The following TRIM36 variants were observed in gnomAD, a reference collection of about 807,000 sequenced individuals.
TRIM36 encodes the protein E3 ubiquitin-protein ligase TRIM36.
In TRIM36, 42 loss-of-function variants were observed where a neutral mutation model predicts 72.4. The observed-to-expected ratio is 0.58, with a 90% CI of 0.45 to 0.75. The LOEUF (loss-of-function observed/expected upper bound fraction) is 0.75, where lower values mean the gene tolerates loss of function less well. Among genes scored for constraint, TRIM36 ranks in the 30% least tolerant of loss-of-function variants. The pLI is 0.00. For synonymous variants in TRIM36, 315 were observed against 282.8 expected (o/e 1.11, Z -1.14); for missense variants, 913 against 857.1 (o/e 1.07, Z -0.81).
At chr5:115,138,751 C>A (rs1463802415) in intron 5 of TRIM36, among the ~76,000 whole-genome samples, 1 of 152,108 alleles carries the variant, frequency 6.6e-6, no homozygotes, top group African/African-American at 2.4e-5. Context: ...AGAAGACTGG[C>A]AAACACTCCT....
intron 2 of TRIM36, among the ~76,000 whole-genome samples, chr5:115,158,577 T>A (rs1754312293): frequency 1.3e-5 from 2 of 152,202 alleles, no homozygotes; most frequent in South Asian, 4.1e-4. Flanking sequence ...TGGTGGACAC[T>A]ACTGTTGGGC....
At chr5:115,156,415 T>A (rs578232778) in intron 2 of TRIM36, among the ~76,000 whole-genome samples, 141 of 152,274 alleles carry the variant, frequency 9.3e-4, no homozygotes, top group African/African-American at 3.2e-3. Context: ...AATTTCAAAC[T>A]ATACTGTAAG....
At chr5:115,171,717 G>A (rs1201246149), upstream of TRIM36, among the ~76,000 whole-genome samples, 2 of 152,144 alleles carry the variant, frequency 1.3e-5, no homozygotes, top group East Asian at 1.9e-4. Context: ...CTTCCATTTT[G>A]CAAATCAGAC....
At chr5:115,170,863 T>TG (rs781381325), upstream of TRIM36, among the ~76,000 whole-genome samples, 38 of 152,344 alleles carry the variant, frequency 2.5e-4, no homozygotes, top group Admixed American at 8.5e-4. Flanking sequence ...GGAGTGCTGC[T>TG]GAACGTTAAG....
At chr5:115,164,101 T>C (rs912108632) in intron 1 of TRIM36, among the ~76,000 whole-genome samples, 3 of 152,228 alleles carry the variant, frequency 2.0e-5, no homozygotes, top group Admixed American at 6.5e-5. Context: ...AAGTAGATCA[T>C]GTCAATAAAA....
intron 8 of TRIM36, among the ~76,000 whole-genome samples, chr5:115,131,973 A>G (rs1013720116): frequency 6.6e-6 from 1 of 152,152 alleles, no homozygotes; most frequent in Admixed American, 6.5e-5. Context: ...ACAATACTGT[A>G]AATGTACTTA....
At position 115,169,799 on chromosome 5, in the gene TRIM36, A is replaced by ACTT. The variant is rs1184798342; in HGVS notation, c.-166_-165insAAG. On this transcript the variant is annotated 5_prime_UTR_variant, in exon 1 of 10. Coordinates refer to ENST00000513154, the MANE Select transcript of TRIM36 (RefSeq NM_001300759.2). ...CCAGCGGACCGACGCGGGGAGAAGTAAGCCGGGGCAGGCAAAAGCACAGGC... is the reference window on the plus strand; with the variant it reads ...CCAGCGGACCGACGCGGGGAGAAGTACTTAGCCGGGGCAGGCAAAAGCACAGGC... 7.6e-7 allele frequency: 1 copy of ACTT among 1,321,706 alleles called. No individual in the cohort carries two copies. The highest frequency in any genetic ancestry group is 9.7e-7 in the Non-Finnish European group (1 of 1,029,068). The allele number at this position is 1,321,706 out of a possible 1,614,324, so 81.9% of individuals were successfully genotyped here. A position where few individuals can be genotyped will look rare whatever the true frequency, so the allele number is the denominator to read the frequency against.
Position 115,134,056 on chromosome 5 carries a change from A to T in TRIM36, c.1302T>A (p.Asp434Glu), listed in dbSNP as rs748234511. The T allele has an allele frequency of 1.5e-5, 25 of 1,613,684 alleles. No homozygotes were observed. Among genetic ancestry groups the T allele is most frequent in the Non-Finnish European group, 2.0e-5 (24 of 1,179,906 alleles). Residue 434 changes from aspartate to glutamate, a missense_variant, in exon 8 of 10, where the codon GAT becomes GAA. Coordinates refer to ENST00000513154, the MANE Select transcript of TRIM36 (RefSeq NM_001300759.2). ...NWHHPEKDKADSYVLEYRKIN... is the reference protein window; with the variant it reads ...NWHHPEKDKAESYVLEYRKIN... ...TTTTCCGATATTCAAGAACATAGCT[A>T]TCAGCTTTATCCTTTTCTGGATGGT... is the stretch of plus-strand genomic sequence containing the variant.
chr5:115,177,395 C>T (rs766254254), intron 1 of TRIM36: 306 of 380,994 alleles, frequency 8.0e-4, no homozygotes, highest in East Asian at 1.7e-3. Context: ...GATGGTGGGG[C>T]GGAGGGCAGG....
upstream of TRIM36, among the ~76,000 whole-genome samples, chr5:115,173,708 C>A (rs1216330430): frequency 6.6e-6 from 1 of 152,158 alleles, no homozygotes; most frequent in Non-Finnish European, 1.5e-5. Context: ...TTAAAAAAAT[C>A]ATTATTCCCC....
At chr5:115,160,180 C>A (rs987709122) in intron 2 of TRIM36, among the ~76,000 whole-genome samples, 16 of 151,928 alleles carry the variant, frequency 1.1e-4, no homozygotes, top group African/African-American at 3.9e-4. Flanking sequence ...GCACACAAAT[C>A]TTACTCTCCT....
chr5:115,150,323 T>C (rs183099390), intron 2 of TRIM36, among the ~76,000 whole-genome samples: 54 of 152,342 alleles, frequency 3.5e-4, no homozygotes, highest in South Asian at 1.9e-3. Context: ...TTTTAAAATT[T>C]AATTAAAATT....
intron 2 of TRIM36, among the ~76,000 whole-genome samples, chr5:115,152,342 A>G (rs973695257): frequency 6.6e-6 from 1 of 152,170 alleles, no homozygotes; most frequent in Non-Finnish European, 1.5e-5. Context: ...ATAAGAAAAT[A>G]TGAACAAAGC....
Position 115,163,769 on chromosome 5 carries a change from T to G in TRIM36, c.28-17A>C, listed in dbSNP as rs760178138. On this transcript the variant is annotated splice_polypyrimidine_tract_variant and intron_variant, in intron 1 of 9. Transcript: ENST00000513154. ...AATGGTAACCTTGAGAGTAAAATAG[T>G]CCAAGTTAAAGGCTCTTAGTGGGTA... is the stretch of plus-strand genomic sequence containing the variant. 6.2e-7 allele frequency: 1 copy of G among 1,606,474 alleles called. No individual in the cohort carries two copies. Among genetic ancestry groups the G allele is most frequent in the East Asian group, 2.2e-5 (1 of 44,854 alleles).
chr5:115,177,630 C>T (rs1048435387), intron 1 of TRIM36: 178 of 1,541,522 alleles, frequency 1.2e-4, no homozygotes, highest in South Asian at 3.9e-4. Flanking sequence ...GGCTGCGGGG[C>T]GGGGCAGGAT....
chr5:115,177,843 A>T (rs564024136), intron 1 of TRIM36: 1 of 1,613,490 alleles, frequency 6.2e-7, no homozygotes, highest in East Asian at 2.2e-5. Flanking sequence ...GGGAATGCTC[A>T]TGGGTTTGCT....
intron 2 of TRIM36, among the ~76,000 whole-genome samples, chr5:115,152,645 C>G (rs1753955497): frequency 6.6e-6 from 1 of 152,148 alleles, no homozygotes; most frequent in Admixed American, 6.5e-5. Context: ...TAGGGAAAAC[C>G]TATCAGATTA....
intron 2 of TRIM36, among the ~76,000 whole-genome samples, chr5:115,148,551 C>T (rs983496296): frequency 6.6e-6 from 1 of 150,614 alleles, no homozygotes; most frequent in Admixed American, 6.7e-5. Context: ...GCTGGGATTA[C>T]AGGCGCCCAC....
intron 3 of TRIM36, 23 bp from the exon 4 acceptor site, chr5:115,144,767 G>T (rs1223237943): frequency 6.3e-7 from 1 of 1,594,562 alleles, no homozygotes; most frequent in African/African-American, 1.4e-5. Flanking sequence ...GAATAAAAGT[G>T]TGATTAAGGA....
Sources: gnomAD v4.1 joint callset for allele counts (sites outside exome capture counted in the v4.1 genomes callset) on GRCh38, gnomAD v4.1.1 for gene constraint, MANE v1.5 for transcripts, NCBI Gene and HGNC (gene_info 2026-07-23, HGNC 2026-07-21) for gene names.